Variants in CDC73 observed in about 807,000 individuals in gnomAD.
CDC73 encodes the protein cell division cycle 73.
In CDC73, 21 loss-of-function variants were observed where a neutral mutation model predicts 83.7. The ratio of observed to expected loss-of-function variants is 0.25; its 90% CI spans 0.18 to 0.36. The LOEUF (loss-of-function observed/expected upper bound fraction) is 0.36. Among genes scored for constraint, CDC73 ranks in the 10% least tolerant of loss-of-function variants. The pLI, the probability that CDC73 is intolerant of heterozygous loss-of-function variation, is 1.00. For missense variants in CDC73, 342 were observed against 653.3 expected, an observed-to-expected ratio of 0.52 and a Z score of 5.19; for synonymous variants, 224 against 212.9, an observed-to-expected ratio of 1.05 and a Z score of -0.45.
At chr1:193,123,552 G>A (rs1372025857) in intron 1 of CDC73, among the ~76,000 whole-genome samples, 1 of 152,066 alleles carries the variant, frequency 6.6e-6, no homozygotes, top group Admixed American at 6.5e-5. Flanking sequence ...AAATTTTTTT[G>A]TCTTATGATT....
At chr1:193,237,227 T>C (rs187810181) in intron 15 of CDC73, 3 of 152,276 alleles carry the variant, frequency 2.0e-5, no homozygotes, top group Admixed American at 2.0e-4. Flanking sequence ...CTTATGTTTT[T>C]AGCAGCCCCA....
At chr1:193,238,815 G>C (rs942294920) in intron 15 of CDC73, among the ~76,000 whole-genome samples, 8 of 152,210 alleles carry the variant, frequency 5.3e-5, no homozygotes, top group Admixed American at 1.3e-4. Context: ...TTAAGTGGGA[G>C]TGGGTTATCA....
chr1:193,242,513 G>T (rs902103745), intron 15 of CDC73, among the ~76,000 whole-genome samples: 1 of 152,140 alleles, frequency 6.6e-6, no homozygotes, highest in African/African-American at 2.4e-5. Context: ...TCTATTCAAA[G>T]TGTGATTATC....
At chr1:193,204,253 ATGTG>A (rs370382322) in intron 11 of CDC73, among the ~76,000 whole-genome samples, 49 of 123,800 alleles carry the variant, frequency 4.0e-4, no homozygotes, top group Admixed American at 6.6e-4. Context: ...ATATATGTGT[ATGTG>A]TGTGTGTGTG....
intron 13 of CDC73, among the ~76,000 whole-genome samples, chr1:193,232,262 C>T (rs1677674132): frequency 6.6e-6 from 1 of 151,902 alleles, no homozygotes; most frequent in Admixed American, 6.6e-5. Context: ...TTTTATGAAG[C>T]TCCTGGATAG....
In CDC73 at chr1:193,252,723, A is replaced by G. The variant is rs1489321592; in HGVS notation, c.*2011A>G. Reference sequence around the variant, plus strand: ...TATTTAGGTCCATGTAATTAATTTCATTCCATTATTTTTTAGCTGTTTATT... The same window carrying G: ...TATTTAGGTCCATGTAATTAATTTCGTTCCATTATTTTTTAGCTGTTTATT... On this transcript the variant is annotated 3_prime_UTR_variant, in exon 17 of 17. Transcript: ENST00000367435. 8.6e-6 allele frequency: 2 copies of G among 231,486 alleles called. No individual in the cohort carries two copies. The highest frequency in any genetic ancestry group is 4.4e-5 in the African/African-American group (2 of 45,272). 14.3% of individuals were successfully genotyped at this position (231,486 alleles called of 1,614,324 possible). A position where few individuals can be genotyped will look rare whatever the true frequency, so the allele number is the denominator to read the frequency against.
Position 193,252,266 on chromosome 1 carries a change from G to C in CDC73, c.*1554G>C, listed in dbSNP as rs567042351. 9.1e-5 allele frequency: 21 copies of C among 230,610 alleles called. No individual in the cohort carries two copies. The highest frequency in any genetic ancestry group is 4.2e-4 in the African/African-American group (19 of 45,330). 14.3% of individuals were successfully genotyped at this position (230,610 alleles called of 1,614,324 possible). A position where few individuals can be genotyped will look rare whatever the true frequency, so the allele number is the denominator to read the frequency against. ...CTTTTTAGCGTCTTCTTTCCTTAAA[G>C]ATAAAAGAAAACTCAAATTTGTTTA... On this transcript the variant is annotated 3_prime_UTR_variant, in exon 17 of 17. Coordinates refer to ENST00000367435, the MANE Select transcript of CDC73 (RefSeq NM_024529.5).
At chr1:193,235,173 A>C (rs1025247887) in intron 14 of CDC73, among the ~76,000 whole-genome samples, 1 of 152,162 alleles carries the variant, frequency 6.6e-6, no homozygotes, top group Non-Finnish European at 1.5e-5. Context: ...GGCTATTCTC[A>C]TGATTTATCT....
intron 10 of CDC73, among the ~76,000 whole-genome samples, chr1:193,188,548 A>G (rs1676861686): frequency 1.3e-5 from 2 of 152,176 alleles, no homozygotes; most frequent in Admixed American, 6.5e-5. Context: ...ATATTGATTA[A>G]CTACTGTGTA....
intron 13 of CDC73, among the ~76,000 whole-genome samples, chr1:193,224,421 C>T (rs1009577459): frequency 4.6e-5 from 7 of 151,484 alleles, no homozygotes; most frequent in Non-Finnish European, 7.4e-5. Context: ...ATGAAATATG[C>T]ATTCACATAT....
chr1:193,204,479 C>T lies in CDC73; in HGVS notation c.1030+627C>T, dbSNP rs1168976421. Among the ~76,000 whole-genome samples the T allele has an allele frequency of 1.5e-4, 22 of 151,322 alleles. No individual in the cohort carries two copies. The East Asian group carries it at 2.2e-3, about 15-fold the overall frequency. ...TAATTTTTTGTATTTTTAGTAGAGACGGGGTTTCACTGTGTTAGCCAGGAT... is the reference window on the plus strand; with the variant it reads ...TAATTTTTTGTATTTTTAGTAGAGATGGGGTTTCACTGTGTTAGCCAGGAT... On this transcript the variant is annotated intron_variant, in intron 11 of 16. Transcript: ENST00000367435.
chr1:193,195,371 G>T (rs1676984554), intron 10 of CDC73, among the ~76,000 whole-genome samples: 1 of 151,894 alleles, frequency 6.6e-6, no homozygotes, highest in Admixed American at 6.6e-5. Context: ...ATCCCATTGT[G>T]TATATATATA....
At chr1:193,164,173 C>T (rs577270617) in intron 10 of CDC73, among the ~76,000 whole-genome samples, 1 of 152,278 alleles carries the variant, frequency 6.6e-6, no homozygotes, top group African/African-American at 2.4e-5. Context: ...GAAGACTAGT[C>T]CATAGTACAT....
Position 193,127,441 on chromosome 1 carries a change from G to A in CDC73, c.237+2224G>A, listed in dbSNP as rs189963923. 9.3e-4 allele frequency among the ~76,000 whole-genome samples: 142 copies of A among 151,906 alleles called. 2 individuals carry two copies. Among genetic ancestry groups the A allele is most frequent in the African/African-American group, 3.3e-3 (137 of 41,384 alleles). On this transcript the variant is annotated intron_variant, in intron 2 of 16. Transcript: ENST00000367435. ...TATTTAAAAAAATAAAATTAGAGTG[G>A]GACTACTTGGGAAAATAAGGGGAAA...
rs550646454 is a variant in CDC73 at position 193,145,495 on chromosome 1, T to G, written c.730-2372T>G. On this transcript the variant is annotated intron_variant, in intron 7 of 16. Coordinates refer to ENST00000367435, the MANE Select transcript of CDC73 (RefSeq NM_024529.5). ...AGAGATTAAGGAAATTTGCAAAAAT[T>G]TAAAACCTGCCACTCTTTCTTGTCA... Among the ~76,000 whole-genome samples, 10 of 152,312 alleles carry G rather than the reference T, an allele frequency of 6.6e-5. No individual in the cohort carries two copies. In the South Asian group the frequency reaches 1.4e-3, roughly 22 times the overall value.
intron 16 of CDC73, 63 bp from the exon 17 acceptor site, chr1:193,250,613 G>A: frequency 8.8e-7 from 1 of 1,140,046 alleles, no homozygotes; most frequent in Non-Finnish European, 1.3e-6. Context: ...GTTTTTACAT[G>A]CATTATTCTA....
chr1:193,145,401 A>G (rs1035821470), intron 7 of CDC73, among the ~76,000 whole-genome samples: 2 of 152,186 alleles, frequency 1.3e-5, no homozygotes, highest in Admixed American at 1.3e-4. Context: ...ATTTATGACC[A>G]AATAAGAAAG....
chr1:193,170,397 T>G (rs774396572), intron 10 of CDC73, among the ~76,000 whole-genome samples: 2 of 152,228 alleles, frequency 1.3e-5, no homozygotes, highest in African/African-American at 2.4e-5. Flanking sequence ...GTTGAATTAA[T>G]TTACACTTTC....
intron 10 of CDC73, among the ~76,000 whole-genome samples, chr1:193,176,684 A>G (rs1039270082): frequency 1.3e-5 from 2 of 152,310 alleles, no homozygotes; most frequent in South Asian, 2.1e-4. Flanking sequence ...TTTTAAGGCT[A>G]TGTTAATCTC....
Sources: gnomAD v4.1 joint callset for allele counts (sites outside exome capture counted in the v4.1 genomes callset) on GRCh38, gnomAD v4.1.1 for gene constraint, MANE v1.5 for transcripts, NCBI Gene and HGNC (gene_info 2026-07-23, HGNC 2026-07-21) for gene names.